The following CELF2 variants were observed in gnomAD, a reference collection of about 807,000 sequenced individuals.
The protein encoded by CELF2 is CUGBP Elav-like family member 2.
A neutral mutation model predicts 62.6 loss-of-function variants in CELF2; 8 were observed. The observed-to-expected ratio is 0.13, with a 90% CI of 0.07 to 0.23. The LOEUF is 0.23. Among genes scored for constraint, CELF2 ranks in the 10% least tolerant of loss-of-function variants. The pLI, the probability that CELF2 is intolerant of heterozygous loss-of-function variation, is 1.00. For missense variants in CELF2, 333 were observed against 671.0 expected (o/e 0.50, Z 5.56); for synonymous variants, 258 against 250.0 (o/e 1.03, Z -0.30).
chr10:11,172,115 A>G (rs1484688483), intron 2 of CELF2, among the ~76,000 whole-genome samples: 1 of 152,238 alleles, frequency 6.6e-6, no homozygotes, highest in East Asian at 1.9e-4. Flanking sequence ...TTTCTGTCCT[A>G]CATTTCTTGA....
At chr10:11,298,256 CT>C (rs2093385798) in intron 9 of CELF2, among the ~76,000 whole-genome samples, 1 of 152,202 alleles carries the variant, frequency 6.6e-6, no homozygotes, top group African/African-American at 2.4e-5. Context: ...TCATCTCCCC[CT>C]GGGAGGAGCC....
chr10:11,116,207 A>G (rs769745871), intron 1 of CELF2, among the ~76,000 whole-genome samples: 3 of 152,238 alleles, frequency 2.0e-5, no homozygotes, highest in Non-Finnish European at 4.4e-5. Context: ...AGAGTAAAAG[A>G]CTAAGCCATC....
At chr10:10,669,976 C>T in the CELF2 span, among the ~76,000 whole-genome samples, 20 of 147,096 alleles carry the variant, frequency 1.4e-4, no homozygotes, top group South Asian at 4.3e-4. Context: ...AATCTTGGCT[C>T]GCTGCAATGT....
the CELF2 span, among the ~76,000 whole-genome samples, chr10:10,619,627 A>G: frequency 2.0e-5 from 3 of 152,304 alleles, no homozygotes; most frequent in Admixed American, 2.0e-4. Flanking sequence ...CCTGCCCTGG[A>G]AGGCGTAGCA....
chr10:10,685,763 T>C, the CELF2 span, among the ~76,000 whole-genome samples: 1 of 152,226 alleles, frequency 6.6e-6, no homozygotes, highest in African/African-American at 2.4e-5. Context: ...GAGTCTGTTT[T>C]CTAAGTAGAC....
chr10:11,097,598 C>G (rs1771723253), intron 1 of CELF2, among the ~76,000 whole-genome samples: 2 of 152,188 alleles, frequency 1.3e-5, no homozygotes, highest in African/African-American at 4.8e-5. Context: ...TAGTGGGTAG[C>G]TTGGCACCAT....
the CELF2 span, among the ~76,000 whole-genome samples, chr10:10,781,193 A>G: frequency 2.6e-5 from 4 of 152,262 alleles, no homozygotes; most frequent in African/African-American, 9.6e-5. Flanking sequence ...AACAGACCAC[A>G]TATATGAGTG....
Position 11,302,440 on chromosome 10 carries a change from G to C in CELF2, c.977-11699G>C, listed in dbSNP as rs1591081737. 6.6e-6 allele frequency among the ~76,000 whole-genome samples: 1 copy of C among 152,236 alleles called. No homozygotes were observed. Among genetic ancestry groups the C allele is most frequent in the Non-Finnish European group, 1.5e-5 (1 of 68,042 alleles). On this transcript the variant is annotated intron_variant, in intron 9 of 12. Transcript: ENST00000633077. The surrounding 1 kb of genome is among the most constrained non-coding windows in gnomAD (Gnocchi z 5.0). ...CCCAGGTGGTGCCGATGCGGGCGAG[G>C]CTGTAACTTTACAGTAACGATCTTC...
the CELF2 span, among the ~76,000 whole-genome samples, chr10:10,610,413 G>A: frequency 6.6e-6 from 1 of 152,178 alleles, no homozygotes; most frequent in African/African-American, 2.4e-5. Flanking sequence ...GAACATGTGT[G>A]AATATCATTT....
chr10:11,261,740 C>T (rs1353439702), intron 5 of CELF2, among the ~76,000 whole-genome samples: 1 of 152,228 alleles, frequency 6.6e-6, no homozygotes, highest in African/African-American at 2.4e-5. Context: ...TCAGCACCTT[C>T]TGCAGCAGCT....
intron 1 of CELF2, among the ~76,000 whole-genome samples, chr10:10,830,694 T>C (rs2057776634): frequency 6.6e-6 from 1 of 150,396 alleles, no homozygotes. Context: ...CTGTATTTCT[T>C]TTATTTTTTT....
intron 1 of CELF2, among the ~76,000 whole-genome samples, chr10:10,888,350 T>C (rs1467283962): frequency 1.3e-5 from 2 of 152,160 alleles, no homozygotes; most frequent in Non-Finnish European, 2.9e-5. Context: ...CAGGCACCCC[T>C]GTAGACTGAA....
intron 10 of CELF2, among the ~76,000 whole-genome samples, chr10:11,320,273 G>A (rs1460859660): frequency 6.6e-6 from 1 of 152,164 alleles, no homozygotes. Flanking sequence ...GATACAAGGG[G>A]AGAAATCGAG....
At chr10:10,918,732 T>C (rs1395127534) in intron 1 of CELF2, among the ~76,000 whole-genome samples, 2 of 152,236 alleles carry the variant, frequency 1.3e-5, no homozygotes, top group Non-Finnish European at 2.9e-5. Context: ...TGCAAGTGTG[T>C]ACCACAGTCT....
rs1322815999 is a variant in CELF2, at chr10:11,243,387, A to G, written c.355-5766A>G. 6.6e-6 allele frequency among the ~76,000 whole-genome samples: 1 copy of G among 152,004 alleles called. No homozygotes were observed. The highest frequency in any genetic ancestry group is 2.4e-5 in the African/African-American group (1 of 41,354). The stretch of plus-strand genomic sequence containing the variant: ...AAAAAAAAAAAAAAAGCTTCTAAAA[A>G]TTCATGTACCATCAAGGAAATCTTC... On this transcript the variant is annotated intron_variant, in intron 3 of 12. Transcript: ENST00000633077. The surrounding 1 kb of genome is among the most constrained non-coding windows in gnomAD (Gnocchi z 4.1).
intron 1 of CELF2, among the ~76,000 whole-genome samples, chr10:10,884,334 T>G (rs992664510): frequency 6.6e-6 from 1 of 152,220 alleles, no homozygotes; most frequent in Non-Finnish European, 1.5e-5. Flanking sequence ...TACCAGCCAC[T>G]GTCAGAAGTG....
At chr10:10,687,204 A>ACCAGTATCC in the CELF2 span, among the ~76,000 whole-genome samples, 1 of 152,166 alleles carries the variant, frequency 6.6e-6, no homozygotes, top group Non-Finnish European at 1.5e-5. Context: ...AATTGTTTTT[A>ACCAGTATCC]ATGGATACTG....
intron 2 of CELF2, among the ~76,000 whole-genome samples, chr10:10,932,311 A>G (rs2066159377): frequency 6.6e-6 from 1 of 152,166 alleles, no homozygotes; most frequent in South Asian, 2.1e-4. Context: ...ACTGGACAGG[A>G]GGAATAACTT....
chr10:11,119,701 C>G (rs1315059765), intron 1 of CELF2, among the ~76,000 whole-genome samples: 1 of 152,050 alleles, frequency 6.6e-6, no homozygotes, highest in East Asian at 1.9e-4. Flanking sequence ...AGACTTTTCA[C>G]AGAGAAAGAA....
Sources: gnomAD v4.1 joint callset for allele counts (sites outside exome capture counted in the v4.1 genomes callset) on GRCh38, gnomAD v4.1.1 for gene constraint, Gnocchi (gnomAD v3.1) non-coding constraint, MANE v1.5 for transcripts, NCBI Gene and HGNC (gene_info 2026-07-23, HGNC 2026-07-21) for gene names.